Variants in SLCO1A2 observed in about 807,000 individuals in gnomAD.
SLCO1A2 encodes OATP-1.
Under a neutral mutation model 69.0 loss-of-function variants are expected in SLCO1A2, and 67 were observed. That is an observed-to-expected ratio of 0.97 (90% CI 0.80 to 1.19). The LOEUF (loss-of-function observed/expected upper bound fraction) is 1.19. SLCO1A2 is among the 50% of genes most tolerant of loss of function. The pLI is 0.00. For synonymous variants in SLCO1A2, 260 were observed against 265.9 expected (o/e 0.98, Z 0.22); for missense variants, 787 against 793.7 (o/e 0.99, Z 0.10).
chr12:21,402,587 A>C (rs1264830574), intron 1 of SLCO1A2, among the ~76,000 whole-genome samples: 2 of 152,074 alleles, frequency 1.3e-5, no homozygotes, highest in Non-Finnish European at 2.9e-5. Context: ...CTGGCATTCC[A>C]CTTTTGGAAA....
chr12:21,276,481 T>G (rs1943868632), intron 12 of SLCO1A2, among the ~76,000 whole-genome samples: 1 of 144,300 alleles, frequency 6.9e-6, no homozygotes, highest in Non-Finnish European at 1.5e-5. Context: ...AGCAAGGAGC[T>G]AAATAGAAGT....
At chr12:21,334,750 A>G (rs1018892378) in intron 1 of SLCO1A2, 41 bp from the exon 2 acceptor site, 221 of 856,630 alleles carry the variant, frequency 2.6e-4, no homozygotes, top group Non-Finnish European at 3.7e-4. Flanking sequence ...TAACTACAAA[A>G]TTGTAAAGCA....
At chr12:21,331,311 GA>G (rs1952601392) in intron 2 of SLCO1A2, among the ~76,000 whole-genome samples, 2 of 152,062 alleles carry the variant, frequency 1.3e-5, no homozygotes, top group Non-Finnish European at 2.9e-5. Context: ...TAGTGTGGAA[GA>G]AAAGAAAATG....
chr12:21,275,674 C>T (rs767563233), intron 12 of SLCO1A2, among the ~76,000 whole-genome samples: 7 of 152,176 alleles, frequency 4.6e-5, no homozygotes, highest in African/African-American at 7.2e-5. Flanking sequence ...GGCGCAGTGG[C>T]TCACCCCTGT....
chr12:21,406,407 G>A (rs1941825227), intron 1 of SLCO1A2, among the ~76,000 whole-genome samples: 1 of 152,240 alleles, frequency 6.6e-6, no homozygotes, highest in African/African-American at 2.4e-5. Context: ...ACCTGGGAAT[G>A]GCTTCAAAAG....
At chr12:21,352,557 A>G (rs1183374278) in intron 2 of SLCO1A2, among the ~76,000 whole-genome samples, 1 of 152,170 alleles carries the variant, frequency 6.6e-6, no homozygotes, top group African/African-American at 2.4e-5. Flanking sequence ...AGAGTCCGTC[A>G]AGGCTGCCTA....
At chr12:21,342,704 ATC>A (rs1324718920) in intron 2 of SLCO1A2, among the ~76,000 whole-genome samples, 19 of 152,132 alleles carry the variant, frequency 1.2e-4, no homozygotes, top group African/African-American at 4.3e-4. Context: ...TTTTATAATT[ATC>A]TACAAGCATA....
intron 2 of SLCO1A2, chr12:21,319,392 C>T (rs1428618995): frequency 7.3e-7 from 1 of 1,367,984 alleles, no homozygotes; most frequent in East Asian, 4.5e-5. Context: ...TCCACTCTTT[C>T]CTGTTCTTGC....
intron 1 of SLCO1A2, among the ~76,000 whole-genome samples, chr12:21,411,253 AT>A (rs1415915866): frequency 1.3e-5 from 2 of 152,194 alleles, no homozygotes; most frequent in African/African-American, 4.8e-5. Context: ...ATGTTTGGAA[AT>A]TTTTTTTGAT....
intron 8 of SLCO1A2, among the ~76,000 whole-genome samples, chr12:21,297,873 C>A (rs1947975173): frequency 6.6e-6 from 1 of 152,086 alleles, no homozygotes; most frequent in African/African-American, 2.4e-5. Context: ...TTGTCTACGT[C>A]CACAGCATTT....
rs953682851 is a variant in SLCO1A2, at chr12:21,304,943, T to C, written c.443-370A>G. On this transcript the variant is annotated intron_variant, in intron 5 of 14. Coordinates refer to ENST00000683939, the MANE Select transcript of SLCO1A2 (RefSeq NM_001386879.1). ...TTCAGTTTCTCCACAACTCCTGGAC[T>C]CATTCAGCTGCTACAAGTGCTTCCC... 2.0e-5 allele frequency among the ~76,000 whole-genome samples: 3 copies of C among 152,220 alleles called. No homozygotes were observed. In the South Asian group the frequency reaches 6.2e-4, roughly 32 times the overall value.
chr12:21,334,783 G>A lies in SLCO1A2; in HGVS notation c.-63+44C>T. On this transcript the variant is annotated intron_variant, in intron 1 of 14. Transcript: ENST00000683939. ...GCATCATTCTTTTGAAGTAAGTGCT[G>A]AAAATGAACAACATAATTGAAATCC... 4 of 647,502 alleles carry A rather than the reference G, an allele frequency of 6.2e-6. No homozygotes were observed. The South Asian group carries it at 6.4e-5, about 10-fold the overall frequency. The allele number at this position is 647,502 out of a possible 1,614,324, so 40.1% of individuals were successfully genotyped here. A position where few individuals can be genotyped will look rare whatever the true frequency, so the allele number is the denominator to read the frequency against.
At chr12:21,349,706 T>C (rs1045070000) in intron 2 of SLCO1A2, among the ~76,000 whole-genome samples, 1 of 152,140 alleles carries the variant, frequency 6.6e-6, no homozygotes, top group Non-Finnish European at 1.5e-5. Context: ...ACCAAACTGT[T>C]TTCTTCTGTT....
At chr12:21,384,746 AT>A (rs1196756632) in intron 1 of SLCO1A2, among the ~76,000 whole-genome samples, 10 of 152,048 alleles carry the variant, frequency 6.6e-5, no homozygotes, top group Non-Finnish European at 1.0e-4. Flanking sequence ...TATCAAAAAA[AT>A]ATGTCCACTT....
intron 2 of SLCO1A2, among the ~76,000 whole-genome samples, chr12:21,329,589 ATTTTATC>A (rs1952476862): frequency 6.6e-6 from 1 of 151,722 alleles, no homozygotes; most frequent in African/African-American, 2.4e-5. Context: ...ATTCTAATGA[ATTTTATC>A]TTTTGTAATT....
chr12:21,415,229 A>G (rs1325728926), intron 1 of SLCO1A2, among the ~76,000 whole-genome samples: 4 of 151,760 alleles, frequency 2.6e-5, no homozygotes, highest in Admixed American at 2.0e-4. Context: ...TTACATCTCT[A>G]TTTCCCCTTA....
At chr12:21,368,844 G>A (rs529856021) in intron 2 of SLCO1A2, among the ~76,000 whole-genome samples, 9 of 152,180 alleles carry the variant, frequency 5.9e-5, no homozygotes, top group African/African-American at 1.7e-4. Context: ...ACTATTTTAC[G>A]ATAGTGATAG....
At chr12:21,359,872 C>A (rs1429072444) in intron 2 of SLCO1A2, among the ~76,000 whole-genome samples, 4 of 152,070 alleles carry the variant, frequency 2.6e-5, no homozygotes, top group Non-Finnish European at 5.9e-5. Context: ...TTTGTAATAG[C>A]CTCAAACTAG....
chr12:21,312,372 A>T (rs983655218), intron 4 of SLCO1A2, among the ~76,000 whole-genome samples: 1 of 152,180 alleles, frequency 6.6e-6, no homozygotes, highest in Non-Finnish European at 1.5e-5. Context: ...GCTCAAGGGA[A>T]TGTTGTGGCT....
Sources: gnomAD v4.1 joint callset for allele counts (sites outside exome capture counted in the v4.1 genomes callset) on GRCh38, gnomAD v4.1.1 for gene constraint, MANE v1.5 for transcripts, NCBI Gene and HGNC (gene_info 2026-07-23, HGNC 2026-07-21) for gene names.